The following PLCL2 variants were observed in gnomAD, a reference collection of about 807,000 sequenced individuals.
PLCL2 encodes the protein phospholipase C like 2, also known as inactive phospholipase C-like protein 2.
PLCL2 carries 4 observed loss-of-function variants against 79.6 expected under a neutral mutation model. The observed-to-expected ratio is 0.05, with a 90% CI of 0.02 to 0.11. The LOEUF is 0.11. PLCL2 is among the 10% of genes least tolerant of loss of function. PLCL2 has a pLI of 1.00. For missense variants in PLCL2, 895 were observed against 1,291.0 expected (o/e 0.69, Z 4.70); for synonymous variants, 484 against 457.7 (o/e 1.06, Z -0.73).
intron 1 of PLCL2, among the ~76,000 whole-genome samples, chr3:16,976,930 G>T (rs533426215): frequency 6.6e-6 from 1 of 152,096 alleles, no homozygotes; most frequent in African/African-American, 2.4e-5. Flanking sequence ...CCCTGGCTGG[G>T]GCCCATCTAA....
chr3:16,915,477 A>G (rs188567875), intron 1 of PLCL2, among the ~76,000 whole-genome samples: 6 of 152,166 alleles, frequency 3.9e-5, no homozygotes, highest in Admixed American at 3.9e-4. Context: ...ATAGTTATTC[A>G]TGCTCCATAA....
At chr3:16,995,862 A>G (rs2064148266) in intron 1 of PLCL2, among the ~76,000 whole-genome samples, 2 of 152,218 alleles carry the variant, frequency 1.3e-5, no homozygotes, top group African/African-American at 4.8e-5. Context: ...GGGAAGGTTT[A>G]CAGATTTTAC....
At chr3:16,965,340 G>C (rs573556935) in intron 1 of PLCL2, among the ~76,000 whole-genome samples, 21 of 152,236 alleles carry the variant, frequency 1.4e-4, no homozygotes, top group African/African-American at 4.8e-4. Flanking sequence ...TAGATGTGTG[G>C]TATTATTTCT....
intron 4 of PLCL2, among the ~76,000 whole-genome samples, chr3:17,065,643 C>T (rs1169546915): frequency 1.3e-5 from 2 of 152,190 alleles, no homozygotes; most frequent in Admixed American, 1.3e-4. Flanking sequence ...TTAGAAAAAT[C>T]CCCCACTATT....
intron 1 of PLCL2, among the ~76,000 whole-genome samples, chr3:16,959,293 C>G (rs1295730779): frequency 6.6e-6 from 1 of 152,142 alleles, no homozygotes; most frequent in Non-Finnish European, 1.5e-5. Flanking sequence ...CTCTGCGTCT[C>G]TCCAAACCAA....
intron 4 of PLCL2, among the ~76,000 whole-genome samples, chr3:17,059,309 G>A (rs1438602696): frequency 6.6e-6 from 1 of 150,840 alleles, no homozygotes; most frequent in Non-Finnish European, 1.5e-5. Flanking sequence ...AACCTGGGAG[G>A]CAGAGGTTGC....
chr3:16,957,118 G>A (rs1477041891), intron 1 of PLCL2, among the ~76,000 whole-genome samples: 1 of 152,114 alleles, frequency 6.6e-6, no homozygotes, highest in Non-Finnish European at 1.5e-5. Context: ...TAATTGTGAT[G>A]TTAGGGTGTC....
chr3:17,076,548 G>T (rs1207500641), intron 5 of PLCL2, among the ~76,000 whole-genome samples: 1 of 151,970 alleles, frequency 6.6e-6, no homozygotes, highest in Non-Finnish European at 1.5e-5. Context: ...TCTTGCCCAG[G>T]CTGGAGTGCA....
At chr3:16,947,474 C>G (rs924917568) in intron 1 of PLCL2, among the ~76,000 whole-genome samples, 1 of 152,096 alleles carries the variant, frequency 6.6e-6, no homozygotes, top group East Asian at 1.9e-4. Context: ...GAAAGAAAGG[C>G]CCATCTGCAA....
At chr3:17,004,075 G>C (rs1314308433) in intron 1 of PLCL2, among the ~76,000 whole-genome samples, 1 of 152,172 alleles carries the variant, frequency 6.6e-6, no homozygotes, top group East Asian at 1.9e-4. Context: ...ACCAAACCCA[G>C]AACAGTTTCT....
Position 16,885,027 on chromosome 3 carries a change from T to G in PLCL2, c.-13T>G, listed in dbSNP as rs1696172834. On this transcript the variant is annotated 5_prime_UTR_variant, in exon 1 of 6. Coordinates refer to ENST00000615277, the MANE Select transcript of PLCL2 (RefSeq NM_001144382.2). ...GAGGACGCGGCTTTGTGCAGGCGGG[T>G]CGCGGGGCGCCCATGGCGGAGTGCG... is the stretch of plus-strand genomic sequence containing the variant. 5 of 316,304 alleles carry G rather than the reference T, an allele frequency of 1.6e-5. 1 individual carries two copies. Among genetic ancestry groups the G allele is most frequent in the South Asian group, 2.8e-4 (2 of 7,040 alleles). The allele number at this position is 316,304 out of a possible 1,614,324, so 19.6% of individuals were successfully genotyped here.
rs1221619821 is a variant in PLCL2, at chr3:16,886,125, A to C, written c.327+759A>C. On this transcript the variant is annotated intron_variant, in intron 1 of 5. Coordinates refer to ENST00000615277, the MANE Select transcript of PLCL2 (RefSeq NM_001144382.2). The surrounding 1 kb of genome is among the most constrained non-coding windows in gnomAD (Gnocchi z 4.2). ...GAGCATTTTAAACTCAAGAAGTAATATTAGGAACTCCCGAGTTTGTGTTAG... is the reference window on the plus strand; with the variant it reads ...GAGCATTTTAAACTCAAGAAGTAATCTTAGGAACTCCCGAGTTTGTGTTAG... Among the ~76,000 whole-genome samples the C allele has an allele frequency of 6.6e-6, 1 of 152,198 alleles. No homozygotes were observed. Among genetic ancestry groups the C allele is most frequent in the African/African-American group, 2.4e-5 (1 of 41,452 alleles).
intron 1 of PLCL2, among the ~76,000 whole-genome samples, chr3:16,969,382 C>G (rs986995801): frequency 9.2e-5 from 14 of 151,814 alleles, no homozygotes; most frequent in African/African-American, 3.4e-4. Context: ...TGGGCTTTTT[C>G]TAGTTCGTAG....
At chr3:17,081,838 G>C (rs2065165468) in intron 5 of PLCL2, among the ~76,000 whole-genome samples, 2 of 152,190 alleles carry the variant, frequency 1.3e-5, no homozygotes, top group African/African-American at 4.8e-5. Flanking sequence ...ATCTTTTAAA[G>C]ATTACTTTCT....
intron 1 of PLCL2, among the ~76,000 whole-genome samples, chr3:16,985,354 A>AT (rs1477095077): frequency 6.6e-6 from 1 of 152,100 alleles, no homozygotes; most frequent in Non-Finnish European, 1.5e-5. Flanking sequence ...ACGCTTAATC[A>AT]TTTTTTATTG....
At chr3:16,950,315 T>C (rs896436640) in intron 1 of PLCL2, among the ~76,000 whole-genome samples, 3 of 152,218 alleles carry the variant, frequency 2.0e-5, no homozygotes, top group South Asian at 4.1e-4. Context: ...ACTAAAGTTT[T>C]ATCTATTTTT....
intron 1 of PLCL2, among the ~76,000 whole-genome samples, chr3:16,942,716 C>G (rs1378157569): frequency 6.6e-6 from 1 of 152,020 alleles, no homozygotes; most frequent in Non-Finnish European, 1.5e-5. Flanking sequence ...CTTTTTCTTC[C>G]TCATTTCATC....
chr3:16,989,515 A>T (rs1478183644), intron 1 of PLCL2, among the ~76,000 whole-genome samples: 1 of 152,196 alleles, frequency 6.6e-6, no homozygotes, highest in Non-Finnish European at 1.5e-5. Context: ...TATTGACTAC[A>T]TGTGGAAATG....
intron 4 of PLCL2, among the ~76,000 whole-genome samples, chr3:17,057,256 C>A (rs1436750755): frequency 1.3e-5 from 2 of 152,076 alleles, no homozygotes; most frequent in Non-Finnish European, 2.9e-5. Context: ...TGCTAAATAT[C>A]CTTCATTTTT....
Sources: allele counts gnomAD v4.1 joint callset (sites outside exome capture counted in the v4.1 genomes callset), GRCh38; gene constraint gnomAD v4.1.1; non-coding constraint Gnocchi (gnomAD v3.1); transcripts MANE v1.5; gene names NCBI Gene and HGNC (gene_info 2026-07-23, HGNC 2026-07-21).